The following SCHIP1 variants were observed in gnomAD, a reference collection of about 807,000 sequenced individuals.
SCHIP1 encodes schwannomin interacting protein 1.
SCHIP1 carries 8 observed loss-of-function variants against 29.7 expected under a neutral mutation model. The observed-to-expected ratio is 0.27, with a 90% CI of 0.16 to 0.49. SCHIP1 has a LOEUF of 0.49. Among genes scored for constraint, SCHIP1 ranks in the 20% least tolerant of loss-of-function variants. The pLI, the probability that SCHIP1 is intolerant of heterozygous loss-of-function variation, is 0.99. For synonymous variants in SCHIP1, 76 were observed against 94.9 expected (o/e 0.80, Z 1.16); for missense variants, 193 against 294.6 (o/e 0.66, Z 2.52).
chr3:159,814,260 C>T, the SCHIP1 span, among the ~76,000 whole-genome samples: 9 of 152,334 alleles, frequency 5.9e-5, no homozygotes, highest in African/African-American at 2.2e-4. Context: ...GCAGAGCATC[C>T]TCCTGGATCA....
chr3:159,882,356 A>G (rs181460228), intron 2 of SCHIP1, among the ~76,000 whole-genome samples: 1 of 152,218 alleles, frequency 6.6e-6, no homozygotes, highest in African/African-American at 2.4e-5. Flanking sequence ...TAAAAATCTT[A>G]CCAATGAATC....
the SCHIP1 span, among the ~76,000 whole-genome samples, chr3:159,830,169 A>G: frequency 6.6e-6 from 1 of 152,192 alleles, no homozygotes; most frequent in Non-Finnish European, 1.5e-5. Context: ...GTAGCTTTAC[A>G]TTTAGTTCTA....
the SCHIP1 span, among the ~76,000 whole-genome samples, chr3:159,287,913 G>A: frequency 1.3e-5 from 2 of 152,108 alleles, no homozygotes; most frequent in African/African-American, 4.8e-5. Context: ...GTTTTCTGTA[G>A]GGTTCAAAAC....
the SCHIP1 span, among the ~76,000 whole-genome samples, chr3:159,394,981 C>T: frequency 6.6e-6 from 1 of 152,200 alleles, no homozygotes; most frequent in Non-Finnish European, 1.5e-5. Context: ...TGATTATTTT[C>T]ACAAATTCAG....
At chr3:159,414,439 G>A in the SCHIP1 span, among the ~76,000 whole-genome samples, 49 of 151,388 alleles carry the variant, frequency 3.2e-4, no homozygotes, top group African/African-American at 9.9e-4. Flanking sequence ...ATTTGAGTCC[G>A]AAGCCACACT....
At chr3:159,674,598 TAAAAAAA>T in the SCHIP1 span, among the ~76,000 whole-genome samples, 6 of 53,976 alleles carry the variant, frequency 1.1e-4, no homozygotes, top group Non-Finnish European at 1.4e-4. Context: ...GGGTCAGGAT[TAAAAAAA>T]AAAAAAAAAA....
the SCHIP1 span, among the ~76,000 whole-genome samples, chr3:159,596,245 T>G: frequency 6.6e-6 from 1 of 152,180 alleles, no homozygotes. Flanking sequence ...AAAACCACAA[T>G]GAGATAACAT....
At chr3:159,626,125 G>GATAT in the SCHIP1 span, among the ~76,000 whole-genome samples, 1 of 114,936 alleles carries the variant, frequency 8.7e-6, no homozygotes, top group Non-Finnish European at 1.6e-5. Context: ...TAGATAGATA[G>GATAT]ATAGATAGAT....
chr3:159,273,785 TC>T, the SCHIP1 span: 1 of 1,611,344 alleles, frequency 6.2e-7, no homozygotes, highest in Non-Finnish European at 8.5e-7. Flanking sequence ...AAACAACTCT[TC>T]CCTCTCAAAT....
chr3:159,596,486 A>G, the SCHIP1 span, among the ~76,000 whole-genome samples: 4 of 152,204 alleles, frequency 2.6e-5, no homozygotes, highest in African/African-American at 7.2e-5. Context: ...GCTGCTATAA[A>G]GACACATGCA....
the SCHIP1 span, among the ~76,000 whole-genome samples, chr3:159,450,704 C>A: frequency 6.6e-6 from 1 of 152,076 alleles, no homozygotes; most frequent in Non-Finnish European, 1.5e-5. Flanking sequence ...AATTCCATAG[C>A]CTCCCCCAAA....
At chr3:159,579,661 A>T in the SCHIP1 span, among the ~76,000 whole-genome samples, 1 of 152,166 alleles carries the variant, frequency 6.6e-6, no homozygotes, top group Non-Finnish European at 1.5e-5. Context: ...GCTCAAAATG[A>T]TCTAGGAAGA....
the SCHIP1 span, among the ~76,000 whole-genome samples, chr3:159,767,571 G>C: frequency 2.0e-5 from 3 of 152,198 alleles, no homozygotes; most frequent in East Asian, 1.9e-4. Context: ...ATATATTTAA[G>C]TGGCATTAAT....
At chr3:159,867,625 C>T (rs954581471) in intron 2 of SCHIP1, among the ~76,000 whole-genome samples, 4 of 152,168 alleles carry the variant, frequency 2.6e-5, no homozygotes, top group African/African-American at 7.2e-5. Context: ...TCCTACACAT[C>T]CCTCCAGAAC....
the SCHIP1 span, among the ~76,000 whole-genome samples, chr3:159,616,616 C>G: frequency 6.6e-6 from 1 of 152,210 alleles, no homozygotes; most frequent in East Asian, 1.9e-4. Flanking sequence ...ATAGAAGACT[C>G]CTGTCAATGT....
the SCHIP1 span, among the ~76,000 whole-genome samples, chr3:159,365,482 A>G: frequency 2.0e-5 from 3 of 152,142 alleles, no homozygotes; most frequent in Non-Finnish European, 4.4e-5. Context: ...TATAAAACAT[A>G]TGTATTATAT....
chr3:159,709,622 G>T, the SCHIP1 span, among the ~76,000 whole-genome samples: 1 of 152,256 alleles, frequency 6.6e-6, no homozygotes, highest in South Asian at 2.1e-4. Flanking sequence ...GATTTCTGCT[G>T]AAAGTTTCTC....
the SCHIP1 span, among the ~76,000 whole-genome samples, chr3:159,737,811 G>T: frequency 1.3e-5 from 2 of 152,284 alleles, no homozygotes; most frequent in Middle Eastern, 3.4e-3. Flanking sequence ...ACTGGATTGA[G>T]GAGTCCCAGG....
the SCHIP1 span, among the ~76,000 whole-genome samples, chr3:159,720,871 T>C: frequency 1.3e-5 from 2 of 152,294 alleles, no homozygotes; most frequent in South Asian, 4.1e-4. Flanking sequence ...AGGTGTGAGC[T>C]ACCACGCCCA....
Sources: gnomAD v4.1 joint callset for allele counts (sites outside exome capture counted in the v4.1 genomes callset) on GRCh38, gnomAD v4.1.1 for gene constraint, MANE v1.5 for transcripts, NCBI Gene and HGNC (gene_info 2026-07-23, HGNC 2026-07-21) for gene names.